STARD9: variants seen among roughly 807,000 people sequenced by gnomAD.
STARD9 encodes the protein StAR related lipid transfer domain containing 9.
A neutral mutation model predicts 399.8 loss-of-function variants in STARD9; 346 were observed. The observed-to-expected ratio is 0.87, with a 90% CI of 0.79 to 0.95. The LOEUF (loss-of-function observed/expected upper bound fraction) is 0.95. STARD9 is among the 40% of genes least tolerant of loss of function. The pLI, the probability that STARD9 is intolerant of heterozygous loss-of-function variation, is 0.00. For missense variants in STARD9, 5,832 were observed against 5,667.5 expected, an observed-to-expected ratio of 1.03 and a Z score of -0.93; for synonymous variants, 2,203 against 2,143.5, an observed-to-expected ratio of 1.03 and a Z score of -0.77.
chr15:42,681,610 A>G lies in STARD9; in HGVS notation c.2063A>G (p.Glu688Gly). 1 of 1,535,810 alleles carries G rather than the reference A, an allele frequency of 6.5e-7. No individual in the cohort carries two copies. Among genetic ancestry groups the G allele is most frequent in the Non-Finnish European group, 8.7e-7 (1 of 1,146,102 alleles). Reference protein sequence around the residue: ...DQAWISQQIKENQQCLLREET... With the variant: ...DQAWISQQIKGNQQCLLREET... ...GCTTGGATTAGCCAGCAGATTAAAGAAAGTAGGTGTCCACCACTTAATGTG... is the reference window on the plus strand; with the variant it reads ...GCTTGGATTAGCCAGCAGATTAAAGGAAGTAGGTGTCCACCACTTAATGTG... Residue 688 changes from glutamate to glycine, a missense_variant and splice_region_variant, in exon 21 of 33, where the codon GAA becomes GGA. Coordinates refer to ENST00000290607, the MANE Select transcript of STARD9 (RefSeq NM_020759.3).
chr15:42,699,851 C>T (rs563742211), intron 26 of STARD9, among the ~76,000 whole-genome samples: 223 of 152,006 alleles, frequency 1.5e-3, no homozygotes, highest in Non-Finnish European at 2.8e-3. Context: ...GAATTACAAG[C>T]GCCCACCACC....
chr15:42,706,595 G>T (rs1031632472), intron 26 of STARD9, among the ~76,000 whole-genome samples: 1 of 151,870 alleles, frequency 6.6e-6, no homozygotes, highest in Non-Finnish European at 1.5e-5. Flanking sequence ...GATTACAGGC[G>T]CCTGCCACCA....
chr15:42,587,999 A>G (rs147484950), intron 3 of STARD9, among the ~76,000 whole-genome samples: 2 of 152,326 alleles, frequency 1.3e-5, no homozygotes, highest in African/African-American at 2.4e-5. Flanking sequence ...TGGGACTCCT[A>G]TAACAGTCCA....
At chr15:42,695,953 C>A in intron 26 of STARD9, 73 bp downstream of exon 26, 2 of 1,455,076 alleles carry the variant, frequency 1.4e-6, no homozygotes, top group Non-Finnish European at 9.1e-7. Context: ...GGACGCTGTG[C>A]CTCCTGGAGT....
intron 20 of STARD9, among the ~76,000 whole-genome samples, chr15:42,680,225 G>A (rs2060398238): frequency 6.6e-6 from 1 of 152,182 alleles, no homozygotes; most frequent in African/African-American, 2.4e-5. Flanking sequence ...GTAGGTAGAA[G>A]CTGTCAGTTT....
At chr15:42,652,379 C>T (rs1316613842) in intron 8 of STARD9, 141 bp from the exon 9 acceptor site, 12 of 706,032 alleles carry the variant, frequency 1.7e-5, no homozygotes, top group East Asian at 8.2e-5. Flanking sequence ...ATTCTCTTCA[C>T]GATACTGGAC....
chr15:42,665,874 G>A, intron 15 of STARD9, 26 bp downstream of exon 15: 4 of 1,531,412 alleles, frequency 2.6e-6, no homozygotes, highest in Non-Finnish European at 3.5e-6. Flanking sequence ...GGACTCAGTT[G>A]TTCTTTACAT....
rs184690133 is a variant in STARD9 at position 42,579,434 on chromosome 15, A to T, written c.47+3672A>T. ...TCAAAATGGTACTGAAAACATATCT[A>T]AAAATAGGTCTGTAGTCATCTTAAA... is the stretch of plus-strand genomic sequence containing the variant. On this transcript the variant is annotated intron_variant, in intron 1 of 32. Transcript: ENST00000290607. Among the ~76,000 whole-genome samples the T allele has an allele frequency of 2.6e-4, 39 of 152,322 alleles. No individual in the cohort carries two copies. The East Asian group carries it at 6.4e-3, about 25-fold the overall frequency.
intron 9 of STARD9, 48 bp from the exon 10 acceptor site, chr15:42,661,110 C>T (rs1251448999): frequency 1.5e-6 from 2 of 1,376,864 alleles, no homozygotes; most frequent in Admixed American, 4.0e-5. Flanking sequence ...AAGGGGAAAA[C>T]AATACAAATC....
At chr15:42,694,450 G>T in intron 23 of STARD9, 78 bp from the exon 24 acceptor site, 1 of 1,522,778 alleles carries the variant, frequency 6.6e-7, no homozygotes, top group Non-Finnish European at 8.8e-7. Context: ...TCATCTCTGG[G>T]ATCTTCCAGG....
Position 42,674,982 on chromosome 15 carries a change from CCT to C in STARD9, c.1687+19_1687+20del. 4 of 1,506,844 alleles carry C rather than the reference CCT, an allele frequency of 2.7e-6. No individual in the cohort carries two copies. Among genetic ancestry groups the C allele is most frequent in the Non-Finnish European group, 3.5e-6 (4 of 1,133,258 alleles). 93.3% of individuals were successfully genotyped at this position (1,506,844 alleles called of 1,614,324 possible). A position where few individuals can be genotyped will look rare whatever the true frequency, so the allele number is the denominator to read the frequency against. On this transcript the variant is annotated intron_variant, in intron 18 of 32. Transcript: ENST00000290607. ...GACTCAAGGTAGGACTGTCTGTAGC[CCT>C]GTTTATCCCAAGATGAGTGATGGAC...
chr15:42,697,169 G>A (rs1409815138), intron 26 of STARD9, among the ~76,000 whole-genome samples: 1 of 152,180 alleles, frequency 6.6e-6, no homozygotes, highest in Non-Finnish European at 1.5e-5. Context: ...TAAAGCAGAT[G>A]AATGGGAGTA....
In STARD9 at chr15:42,694,303, A is replaced by G. The variant is rs2060789682; in HGVS notation, c.12725A>G (p.Asp4242Gly). ...GGGACAGGGGAGGCGCTTGCTGCTG[A>G]TGAACCTGTGACATCCACCTGGAAG... Reference protein sequence around the residue: ...QSGTGEALAADEPVTSTWKEL... With the variant: ...QSGTGEALAAGEPVTSTWKEL... The change falls in exon 23 of 33, where the codon GAT (aspartate) becomes GGT (glycine). Residue 4242 changes from aspartate to glycine, a missense_variant. Physicochemically the swap from Asp to Gly is moderately conservative, Grantham distance 94. This residue lies in a region of STARD9 where 5,828 missense variants were observed against 5,651.1 expected (regional missense o/e 1.03). Transcript: ENST00000290607. 6.6e-7 allele frequency: 1 copy of G among 1,518,108 alleles called. No individual in the cohort carries two copies. Among genetic ancestry groups the G allele is most frequent in the East Asian group, 2.5e-5 (1 of 40,690 alleles). 94.0% of individuals were successfully genotyped at this position (1,518,108 alleles called of 1,614,324 possible).
intron 3 of STARD9, among the ~76,000 whole-genome samples, chr15:42,629,425 G>A (rs2059286684): frequency 6.6e-6 from 1 of 152,014 alleles, no homozygotes; most frequent in African/African-American, 2.4e-5. Context: ...TTTTCAGATT[G>A]TTCTCTGTTA....
intron 3 of STARD9, among the ~76,000 whole-genome samples, chr15:42,590,789 C>T (rs916850497): frequency 6.6e-6 from 1 of 152,040 alleles, no homozygotes; most frequent in African/African-American, 2.4e-5. Context: ...GGGAGGGAGG[C>T]CACTCTCTTA....
intron 3 of STARD9, among the ~76,000 whole-genome samples, chr15:42,627,881 A>G (rs2059256837): frequency 6.6e-6 from 1 of 152,236 alleles, no homozygotes; most frequent in African/African-American, 2.4e-5. Context: ...TAGTACTGCA[A>G]TAAACATGGG....
intron 7 of STARD9, 78 bp from the exon 8 acceptor site, chr15:42,650,938 A>G: frequency 9.9e-7 from 1 of 1,014,926 alleles, no homozygotes; most frequent in Non-Finnish European, 1.4e-6. Flanking sequence ...AATAGGAATG[A>G]TAAAGACTTA....
chr15:42,686,017 A>G lies in STARD9; in HGVS notation c.4439A>G (p.His1480Arg). The G allele has an allele frequency of 1.3e-6, 2 of 1,537,326 alleles. No individual in the cohort carries two copies. The highest frequency in any genetic ancestry group is 8.7e-7 in the Non-Finnish European group (1 of 1,146,918). ...ATTLTHVGST[H>R]ERDWSALQQK... ...ACCTTGACTCATGTAGGCAGCACCC[A>G]TGAAAGGGATTGGTCTGCCCTTCAG... The change falls in exon 23 of 33, where the codon CAT (histidine) becomes CGT (arginine). Residue 1480 changes from histidine (H) to arginine (R), a missense_variant. This residue lies in a region of STARD9 where 5,828 missense variants were observed against 5,651.1 expected (regional missense o/e 1.03). Coordinates refer to ENST00000290607, the MANE Select transcript of STARD9 (RefSeq NM_020759.3).
At chr15:42,609,846 A>G (rs1202679035) in intron 3 of STARD9, among the ~76,000 whole-genome samples, 1 of 152,108 alleles carries the variant, frequency 6.6e-6, no homozygotes, top group East Asian at 1.9e-4. Context: ...CAATTCCAGC[A>G]CTTTGGGAGG....
Sources: allele counts gnomAD v4.1 joint callset (sites outside exome capture counted in the v4.1 genomes callset), GRCh38; gene constraint gnomAD v4.1.1; regional missense constraint gnomAD v4.1.1; transcripts MANE v1.5; gene names NCBI Gene and HGNC (gene_info 2026-07-23, HGNC 2026-07-21).